DLG2: variants seen among roughly 807,000 people sequenced by gnomAD.
DLG2 encodes the protein discs large MAGUK scaffold protein 2, also known as disks large homolog 2.
In DLG2, 45 loss-of-function variants were observed where a neutral mutation model predicts 132.5. The ratio of observed to expected loss-of-function variants is 0.34; its 90% CI spans 0.27 to 0.44. The LOEUF is 0.44. DLG2 is among the 20% of genes least tolerant of loss of function. The pLI is 1.00. For synonymous variants in DLG2, 424 were observed against 419.6 expected (o/e 1.01, Z -0.13); for missense variants, 1,045 against 1,196.9 (o/e 0.87, Z 1.87).
chr11:84,278,450 A>G (rs2097808869), intron 7 of DLG2, among the ~76,000 whole-genome samples: 1 of 123,864 alleles, frequency 8.1e-6, no homozygotes, highest in African/African-American at 3.1e-5. Context: ...AGAACTCAAG[A>G]GGAACAAATA....
At chr11:85,109,638 C>T (rs1006630522) in intron 6 of DLG2, among the ~76,000 whole-genome samples, 3 of 152,036 alleles carry the variant, frequency 2.0e-5, no homozygotes, top group African/African-American at 7.2e-5. Flanking sequence ...ATATTTTGGG[C>T]TGAAATTACC....
intron 6 of DLG2, among the ~76,000 whole-genome samples, chr11:84,834,648 T>C (rs746329001): frequency 1.3e-5 from 2 of 151,498 alleles, no homozygotes; most frequent in African/African-American, 2.4e-5. Context: ...GGACTGAATA[T>C]GGAGTCTTTT....
chr11:83,931,934 G>A (rs1184909521), intron 14 of DLG2, among the ~76,000 whole-genome samples: 2 of 152,190 alleles, frequency 1.3e-5, no homozygotes, highest in African/African-American at 4.8e-5. Context: ...TACTGATATC[G>A]CAGGTTCATT....
intron 7 of DLG2, among the ~76,000 whole-genome samples, chr11:84,460,296 T>C (rs1190805536): frequency 6.6e-5 from 10 of 150,460 alleles, no homozygotes; most frequent in African/African-American, 2.4e-4. Flanking sequence ...TGAACGAGGG[T>C]AGGCCATAGA....
intron 11 of DLG2, among the ~76,000 whole-genome samples, chr11:84,008,278 T>C (rs1401051411): frequency 6.6e-6 from 1 of 151,920 alleles, no homozygotes; most frequent in East Asian, 1.9e-4. Flanking sequence ...TTACTCTACC[T>C]TATGCTTAAA....
At chr11:84,609,263 A>C (rs1208721381) in intron 6 of DLG2, among the ~76,000 whole-genome samples, 3 of 152,106 alleles carry the variant, frequency 2.0e-5, no homozygotes, top group Non-Finnish European at 4.4e-5. Context: ...TTATCTATAT[A>C]TTGGGTGCAA....
intron 6 of DLG2, among the ~76,000 whole-genome samples, chr11:85,109,866 G>A (rs1454441976): frequency 1.5e-4 from 23 of 152,080 alleles, no homozygotes; most frequent in Admixed American, 1.5e-3. Context: ...GAATGATGAA[G>A]AGGAGAAATA....
At chr11:85,419,135 C>T (rs1218689180) in intron 3 of DLG2, among the ~76,000 whole-genome samples, 1 of 152,194 alleles carries the variant, frequency 6.6e-6, no homozygotes, top group Non-Finnish European at 1.5e-5. Flanking sequence ...CAAAATCTCT[C>T]AGCATTTGCA....
chr11:84,019,296 A>G (rs1396513832), intron 11 of DLG2, among the ~76,000 whole-genome samples: 1 of 152,124 alleles, frequency 6.6e-6, no homozygotes, highest in Non-Finnish European at 1.5e-5. Context: ...TATTAAAGGA[A>G]AGGGTGATTC....
intron 6 of DLG2, among the ~76,000 whole-genome samples, chr11:84,625,822 A>G (rs918026246): frequency 2.6e-5 from 4 of 152,228 alleles, no homozygotes; most frequent in Non-Finnish European, 5.9e-5. Flanking sequence ...AAATCATGTT[A>G]TTTGGAAACA....
At chr11:85,287,668 A>G (rs919957096) in intron 3 of DLG2, among the ~76,000 whole-genome samples, 1 of 152,146 alleles carries the variant, frequency 6.6e-6, no homozygotes, top group African/African-American at 2.4e-5. Flanking sequence ...ACTTTGGCAC[A>G]TATGCATCAA....
At chr11:85,420,414 GGGACCCAC>G in intron 3 of DLG2, among the ~76,000 whole-genome samples, 2 of 152,260 alleles carry the variant, frequency 1.3e-5, no homozygotes, top group African/African-American at 4.8e-5. Context: ...TTGGGGGTCA[GGGACCCAC>G]TCGAGGAGGC....
chr11:85,484,538 G>C (rs900119453), intron 3 of DLG2, among the ~76,000 whole-genome samples: 2 of 150,984 alleles, frequency 1.3e-5, no homozygotes, highest in Non-Finnish European at 3.0e-5. Flanking sequence ...AAAAGTGGGC[G>C]AAGGACATCA....
chr11:84,293,401 C>T (rs1029930446), intron 7 of DLG2, among the ~76,000 whole-genome samples: 2 of 152,008 alleles, frequency 1.3e-5, no homozygotes, highest in African/African-American at 2.4e-5. Context: ...AGGCTGGGCA[C>T]GGTGGCTCAC....
At chr11:83,544,839 G>A (rs1418563400) in intron 19 of DLG2, among the ~76,000 whole-genome samples, 2 of 152,254 alleles carry the variant, frequency 1.3e-5, no homozygotes, top group Admixed American at 6.5e-5. Context: ...AGGTGTATCT[G>A]ACTCCAAAAT....
chr11:84,740,973 A>C (rs1186830726), intron 6 of DLG2, among the ~76,000 whole-genome samples: 3 of 151,490 alleles, frequency 2.0e-5, no homozygotes, highest in African/African-American at 7.3e-5. Context: ...CCACACACCC[A>C]AAATCAGGGC....
chr11:84,328,034 A>ACT (rs2098441060), intron 7 of DLG2, among the ~76,000 whole-genome samples: 1 of 151,648 alleles, frequency 6.6e-6, no homozygotes. Context: ...TCTTCCCCCA[A>ACT]CTCTTCCCGT....
At position 83,847,165 on chromosome 11, in the gene DLG2, T is replaced by G. The variant is rs185414710; in HGVS notation, c.1566-13395A>C. The stretch of plus-strand genomic sequence containing the variant: ...GCAATCTTGTTAAACTAAATAAAAG[T>G]AAAAAAGTAAATATCTATTGTACAG... On this transcript the variant is annotated intron_variant, in intron 16 of 27. Coordinates refer to ENST00000376104, the MANE Select transcript of DLG2 (RefSeq NM_001142699.3). Among the ~76,000 whole-genome samples the G allele has an allele frequency of 2.5e-3, 385 of 152,228 alleles. 4 individuals carry two copies. The highest frequency in any genetic ancestry group is 8.8e-3 in the African/African-American group (367 of 41,560).
At chr11:85,516,964 T>C (rs2094181670) in intron 3 of DLG2, among the ~76,000 whole-genome samples, 1 of 149,672 alleles carries the variant, frequency 6.7e-6, no homozygotes, top group Non-Finnish European at 1.5e-5. Flanking sequence ...GGCAAAAACA[T>C]AACAAAAAAA....
Sources: allele counts gnomAD v4.1 joint callset (sites outside exome capture counted in the v4.1 genomes callset), GRCh38; gene constraint gnomAD v4.1.1; transcripts MANE v1.5; gene names NCBI Gene and HGNC (gene_info 2026-07-23, HGNC 2026-07-21).